OPRK1: variants seen among roughly 807,000 people sequenced by gnomAD.
OPRK1 encodes the protein opioid receptor kappa 1.
A neutral mutation model predicts 24.5 loss-of-function variants in OPRK1; 15 were observed. The ratio of observed to expected loss-of-function variants is 0.61; its 90% CI spans 0.41 to 0.94. OPRK1 has a LOEUF of 0.94. OPRK1 is among the 40% of genes least tolerant of loss of function. The probability of loss-of-function intolerance (pLI) is 0.00; values close to 1 mark genes in which losing one functional copy is unlikely to be tolerated. For synonymous variants in OPRK1, 205 were observed against 198.0 expected, an observed-to-expected ratio of 1.04 and a Z score of -0.30; for missense variants, 479 against 507.3, an observed-to-expected ratio of 0.94 and a Z score of 0.54.
rs1807127911 is a variant in OPRK1 at position 53,242,078 on chromosome 8, A to G, written c.258-6967T>C. 2.0e-5 allele frequency among the ~76,000 whole-genome samples: 3 copies of G among 152,236 alleles called. No individual in the cohort carries two copies. In the South Asian group the frequency reaches 6.2e-4, roughly 32 times the overall value. ...CTGGCGTGCACTTTCCTAGGGCACAACTACCCGGATGCCTAGCGGTATATG... is the reference window on the plus strand; with the variant it reads ...CTGGCGTGCACTTTCCTAGGGCACAGCTACCCGGATGCCTAGCGGTATATG... On this transcript the variant is annotated intron_variant, in intron 2 of 3. Coordinates refer to ENST00000265572, the MANE Select transcript of OPRK1 (RefSeq NM_000912.5).
At chr8:53,238,636 G>A (rs1009339184) in intron 2 of OPRK1, 21 of 985,296 alleles carry the variant, frequency 2.1e-5, no homozygotes, top group South Asian at 4.7e-5. Flanking sequence ...CCATCCTAGC[G>A]TACTTCTCTT....
chr8:53,235,171 T>A, intron 2 of OPRK1, 60 bp from the exon 3 acceptor site: 2 of 1,434,804 alleles, frequency 1.4e-6, no homozygotes, highest in African/African-American at 1.4e-5. Flanking sequence ...ATAAGGTGAA[T>A]GTGTTTGTGA....
intron 3 of OPRK1, among the ~76,000 whole-genome samples, chr8:53,230,831 G>A: frequency 6.6e-6 from 1 of 152,148 alleles, no homozygotes; most frequent in Non-Finnish European, 1.5e-5. Flanking sequence ...GTAGTCATGA[G>A]CAACACCATG....
intron 2 of OPRK1, chr8:53,242,840 C>T (rs765317816): frequency 1.9e-5 from 24 of 1,267,656 alleles, no homozygotes; most frequent in Middle Eastern, 2.2e-4. Context: ...CTTCCCTGCC[C>T]GGCTTCACAC....
In OPRK1 at chr8:53,229,317, C is replaced by T; in HGVS notation, c.1123G>A (p.Gly375Arg). The change falls in exon 4 of 4, where the codon GGG (glycine) becomes AGG (arginine). Residue 375 changes from glycine to arginine, a missense_variant. By Grantham distance (125) the Gly-to-Arg change is moderately radical. Transcript: ENST00000265572. ...QDPAYLRDID[G>R]MNKPV ...ACTAGTCATACTGGTTTATTCATCC[C>T]ATCGATGTCCCTCAGGTAAGCAGGA... The T allele has an allele frequency of 6.2e-7, 1 of 1,613,752 alleles. No homozygotes were observed.
intron 2 of OPRK1, chr8:53,238,644 C>T (rs1402000701): frequency 1.0e-6 from 1 of 985,366 alleles, no homozygotes; most frequent in Admixed American, 6.1e-5. Context: ...GCGTACTTCT[C>T]TTTACAGAGA....
intron 3 of OPRK1, among the ~76,000 whole-genome samples, chr8:53,233,670 A>G (rs1806909851): frequency 6.6e-6 from 1 of 152,142 alleles, no homozygotes; most frequent in African/African-American, 2.4e-5. Context: ...GATGCTTTCT[A>G]TAGCTTTATA....
At chr8:53,231,913 G>T (rs1046257347) in intron 3 of OPRK1, among the ~76,000 whole-genome samples, 9 of 152,168 alleles carry the variant, frequency 5.9e-5, no homozygotes, top group Non-Finnish European at 1.5e-5. Flanking sequence ...CAAACAAACT[G>T]CCTTGCATGT....
At chr8:53,234,454 T>C (rs1351201192) in intron 3 of OPRK1, among the ~76,000 whole-genome samples, 1 of 152,210 alleles carries the variant, frequency 6.6e-6, no homozygotes, top group East Asian at 1.9e-4. Context: ...GGTTGTACTT[T>C]AAAATTCCAC....
At chr8:53,239,167 A>G (rs1293687249) in intron 2 of OPRK1, among the ~76,000 whole-genome samples, 2 of 152,074 alleles carry the variant, frequency 1.3e-5, no homozygotes, top group African/African-American at 2.4e-5. Flanking sequence ...CTCTCCAGTT[A>G]TGTGCATGGC....
rs1806770450 is a variant in OPRK1, at chr8:53,228,548, T to G, written c.*749A>C. On this transcript the variant is annotated 3_prime_UTR_variant, in exon 4 of 4. Coordinates refer to ENST00000265572, the MANE Select transcript of OPRK1 (RefSeq NM_000912.5). ...GATACTATATATATATTTTCAGTGG[T>G]ATTCACACCACTTTATGTTTCTTGA... is the stretch of plus-strand genomic sequence containing the variant. 1.3e-5 allele frequency: 2 copies of G among 152,346 alleles called. No individual in the cohort carries two copies. The highest frequency in any genetic ancestry group is 4.8e-5 in the African/African-American group (2 of 41,574). 9.4% of individuals were successfully genotyped at this position (152,346 alleles called of 1,614,324 possible).
rs969721073 is a variant in OPRK1 at position 53,227,271 on chromosome 8, A to AG, written c.*2025_*2026insC. ...AGACTCCGTCTCAAAAAAAAAAAAAAAAAAAAAGAAGACAGAAAAAATTAA... is the reference window on the plus strand; with the variant it reads ...AGACTCCGTCTCAAAAAAAAAAAAAAGAAAAAAAGAAGACAGAAAAAATTAA... On this transcript the variant is annotated 3_prime_UTR_variant, in exon 4 of 4. Transcript: ENST00000265572. 6.5e-6 allele frequency: 1 copy of AG among 152,944 alleles called. No individual in the cohort carries two copies. The highest frequency in any genetic ancestry group is 2.4e-5 in the African/African-American group (1 of 41,446). 9.5% of individuals were successfully genotyped at this position (152,944 alleles called of 1,614,324 possible). A position where few individuals can be genotyped will look rare whatever the true frequency, so the allele number is the denominator to read the frequency against.
At chr8:53,233,440 C>T (rs903249614) in intron 3 of OPRK1, among the ~76,000 whole-genome samples, 1 of 152,088 alleles carries the variant, frequency 6.6e-6, no homozygotes, top group African/African-American at 2.4e-5. Flanking sequence ...ACAAACAAAC[C>T]ATGTATCATG....
chr8:53,237,389 A>G (rs1199132799), intron 2 of OPRK1, among the ~76,000 whole-genome samples: 1 of 152,236 alleles, frequency 6.6e-6, no homozygotes, highest in African/African-American at 2.4e-5. Flanking sequence ...TTTATAGCCA[A>G]TAGATGTATG....
rs777564191 is a variant in OPRK1, at chr8:53,229,746, T to C, written c.694A>G (p.Ile232Val). The C allele has an allele frequency of 6.2e-7, 1 of 1,613,708 alleles. No homozygotes were observed. Among genetic ancestry groups the C allele is most frequent in the Non-Finnish European group, 8.5e-7 (1 of 1,179,934 alleles). Residue 232 changes from isoleucine to valine, a missense_variant, in exon 4 of 4, where the codon ATC becomes GTC. Transcript: ENST00000265572. ...WDLFMKICVF[I>V]FAFVIPVLII... ...AGGACAGGGATCACGAAGGCAAAGATGAAGACGCAGATCTTCATGAAGAGG... is the reference window on the plus strand; with the variant it reads ...AGGACAGGGATCACGAAGGCAAAGACGAAGACGCAGATCTTCATGAAGAGG...
intron 3 of OPRK1, among the ~76,000 whole-genome samples, chr8:53,234,260 G>A (rs1272899673): frequency 2.0e-5 from 3 of 150,650 alleles, no homozygotes; most frequent in African/African-American, 7.4e-5. Flanking sequence ...AAGTGGTTCT[G>A]CTCATCTGTA....
chr8:53,229,264 C>A lies in OPRK1; in HGVS notation c.*33G>T. 6.3e-7 allele frequency: 1 copy of A among 1,584,280 alleles called. No individual in the cohort carries two copies. Among genetic ancestry groups the A allele is most frequent in the South Asian group, 1.2e-5 (1 of 85,780 alleles). Reference sequence around the variant, plus strand: ...CTAGATCATTGAACTCCTCTCTTCCCGAAGAACTGTACGAAGACATCTCCA... The same window carrying A: ...CTAGATCATTGAACTCCTCTCTTCCAGAAGAACTGTACGAAGACATCTCCA... On this transcript the variant is annotated 3_prime_UTR_variant, in exon 4 of 4. Coordinates refer to ENST00000265572, the MANE Select transcript of OPRK1 (RefSeq NM_000912.5).
intron 2 of OPRK1, among the ~76,000 whole-genome samples, chr8:53,249,028 C>T (rs1019145251): frequency 1.3e-5 from 2 of 152,028 alleles, no homozygotes; most frequent in Admixed American, 6.6e-5. Context: ...TCTTACATGT[C>T]AAATGTTCCC....
intron 2 of OPRK1, among the ~76,000 whole-genome samples, chr8:53,237,482 T>C (rs1807021410): frequency 6.6e-6 from 1 of 152,218 alleles, no homozygotes; most frequent in Non-Finnish European, 1.5e-5. Context: ...ATAATCACAC[T>C]GACCACATTT....
Sources: allele counts gnomAD v4.1 joint callset (sites outside exome capture counted in the v4.1 genomes callset), GRCh38; gene constraint gnomAD v4.1.1; transcripts MANE v1.5; gene names NCBI Gene and HGNC (gene_info 2026-07-23, HGNC 2026-07-21).